The following PTGER3 variants were observed in gnomAD, a reference collection of about 807,000 sequenced individuals.
PTGER3 encodes the protein prostaglandin E receptor 3.
PTGER3 carries 22 observed loss-of-function variants against 34.7 expected under a neutral mutation model. That is an observed-to-expected ratio of 0.63 (90% CI 0.45 to 0.91). PTGER3 has a LOEUF of 0.91. Among genes scored for constraint, PTGER3 ranks in the 40% least tolerant of loss-of-function variants. The pLI is 0.00. For missense variants in PTGER3, 468 were observed against 519.4 expected (o/e 0.90, Z 0.96); for synonymous variants, 241 against 230.1 (o/e 1.05, Z -0.43).
At chr1:71,021,493 G>A (rs1357184261) in intron 1 of PTGER3, among the ~76,000 whole-genome samples, 1 of 151,894 alleles carries the variant, frequency 6.6e-6, no homozygotes, top group East Asian at 1.9e-4. Flanking sequence ...GGATTAGCTG[G>A]GTGACACACA....
intron 4 of PTGER3, among the ~76,000 whole-genome samples, chr1:70,879,423 T>G (rs1182191554): frequency 1.3e-5 from 2 of 152,084 alleles, no homozygotes; most frequent in Non-Finnish European, 2.9e-5. Flanking sequence ...ATTTTTGTAT[T>G]TTTAGTAGAG....
At chr1:70,875,196 T>C (rs1285373341) in intron 4 of PTGER3, among the ~76,000 whole-genome samples, 2 of 152,186 alleles carry the variant, frequency 1.3e-5, no homozygotes, top group Admixed American at 6.5e-5. Context: ...GGGACAAAAA[T>C]GAGACATGGG....
intron 4 of PTGER3, among the ~76,000 whole-genome samples, chr1:70,928,100 C>T (rs962082391): frequency 5.4e-5 from 8 of 148,036 alleles, no homozygotes; most frequent in African/African-American, 1.5e-4. Flanking sequence ...TTTCTGTTAA[C>T]AATGAAGAAA....
intron 1 of PTGER3, among the ~76,000 whole-genome samples, chr1:71,037,328 T>C (rs185134948): frequency 6.6e-6 from 1 of 152,342 alleles, no homozygotes; most frequent in Admixed American, 6.5e-5. Context: ...CACGTAGAGC[T>C]GCACAGATTG....
At chr1:70,926,462 C>T (rs1648096660) in intron 4 of PTGER3, among the ~76,000 whole-genome samples, 1 of 152,064 alleles carries the variant, frequency 6.6e-6, no homozygotes, top group Non-Finnish European at 1.5e-5. Flanking sequence ...GGAGTTCACT[C>T]ATGATTTGGC....
chr1:70,987,818 T>A (rs1292520349), intron 2 of PTGER3, among the ~76,000 whole-genome samples: 2 of 152,220 alleles, frequency 1.3e-5, no homozygotes, highest in African/African-American at 4.8e-5. Flanking sequence ...ATCCGATAAA[T>A]AAATCCAACT....
chr1:70,974,214 C>G, intron 3 of PTGER3, 83 bp downstream of exon 3: 1 of 1,534,026 alleles, frequency 6.5e-7, no homozygotes, highest in Non-Finnish European at 8.8e-7. Flanking sequence ...CAGAGATGGT[C>G]TGCCTTTGTA....
At chr1:71,020,667 G>C (rs1658323174) in intron 1 of PTGER3, among the ~76,000 whole-genome samples, 1 of 151,344 alleles carries the variant, frequency 6.6e-6, no homozygotes, top group Non-Finnish European at 1.5e-5. Flanking sequence ...CAAGGGACTA[G>C]ATTCATGAAG....
intron 2 of PTGER3, among the ~76,000 whole-genome samples, chr1:70,995,617 G>A (rs972459531): frequency 6.6e-6 from 1 of 152,000 alleles, no homozygotes; most frequent in Non-Finnish European, 1.5e-5. Flanking sequence ...AAAAATTATA[G>A]TAATAACATG....
chr1:70,939,530 T>C (rs1333094729), intron 4 of PTGER3, among the ~76,000 whole-genome samples: 1 of 152,240 alleles, frequency 6.6e-6, no homozygotes, highest in African/African-American at 2.4e-5. Flanking sequence ...GCTCCGCCCC[T>C]GCAGCAAACT....
intron 1 of PTGER3, among the ~76,000 whole-genome samples, chr1:71,022,058 T>C (rs1186832065): frequency 6.6e-6 from 1 of 151,954 alleles, no homozygotes; most frequent in East Asian, 1.9e-4. Flanking sequence ...GAAGTAGTTT[T>C]CTCTGGGTGA....
chr1:71,035,223 T>C (rs1659719829), intron 1 of PTGER3, among the ~76,000 whole-genome samples: 1 of 152,240 alleles, frequency 6.6e-6, no homozygotes. Flanking sequence ...TAGAACAGTA[T>C]AGAAAATCAA....
chr1:70,947,649 C>T (rs563646701), downstream of PTGER3, among the ~76,000 whole-genome samples: 2 of 152,238 alleles, frequency 1.3e-5, no homozygotes, highest in Non-Finnish European at 1.5e-5. Context: ...ACCTTCACAT[C>T]GGACAATGCA....
intron 1 of PTGER3, among the ~76,000 whole-genome samples, chr1:71,044,690 G>T (rs1660605587): frequency 1.3e-5 from 2 of 151,982 alleles, no homozygotes; most frequent in Non-Finnish European, 2.9e-5. Flanking sequence ...CATACTTTTG[G>T]TACTAGAATT....
At chr1:71,015,818 C>A (rs1657841417) in intron 1 of PTGER3, among the ~76,000 whole-genome samples, 1 of 152,160 alleles carries the variant, frequency 6.6e-6, no homozygotes, top group Non-Finnish European at 1.5e-5. Context: ...TGGTATCCAG[C>A]CATTTTCCCT....
At chr1:70,859,610 A>G (rs1645882831) in intron 4 of PTGER3, among the ~76,000 whole-genome samples, 1 of 152,254 alleles carries the variant, frequency 6.6e-6, no homozygotes, top group South Asian at 2.1e-4. Context: ...GCTTTGACAT[A>G]ACGGGCGAAA....
chr1:70,988,897 A>G (rs575679977), intron 2 of PTGER3, among the ~76,000 whole-genome samples: 1 of 152,190 alleles, frequency 6.6e-6, no homozygotes, highest in Admixed American at 6.5e-5. Flanking sequence ...AGCTTTCATT[A>G]TAGCTAGCCT....
chr1:70,961,025 C>A (rs916510539), intron 2 of PTGER3, among the ~76,000 whole-genome samples: 2 of 152,138 alleles, frequency 1.3e-5, no homozygotes, highest in African/African-American at 2.4e-5. Flanking sequence ...AGTGGGGTCC[C>A]AATAACTTGC....
At chr1:70,994,506 G>T (rs998281054) in intron 2 of PTGER3, among the ~76,000 whole-genome samples, 1 of 150,538 alleles carries the variant, frequency 6.6e-6, no homozygotes, top group African/African-American at 2.4e-5. Context: ...CGCCCAGGCT[G>T]CAGTGCAGTA....
Sources: gnomAD v4.1 joint callset for allele counts (sites outside exome capture counted in the v4.1 genomes callset) on GRCh38, gnomAD v4.1.1 for gene constraint, MANE v1.5 for transcripts, NCBI Gene and HGNC (gene_info 2026-07-23, HGNC 2026-07-21) for gene names.